The following ZNF451 variants were observed in gnomAD, a reference collection of about 807,000 sequenced individuals.
ZNF451 encodes the protein zinc finger protein 451, also known as E3 SUMO-protein ligase ZNF451.
In ZNF451, 80 loss-of-function variants were observed where a neutral mutation model predicts 107.1. That is an observed-to-expected ratio of 0.75 (90% CI 0.62 to 0.90). ZNF451 has a LOEUF of 0.90. Among genes scored for constraint, ZNF451 ranks in the 40% least tolerant of loss-of-function variants. The pLI, the probability that ZNF451 is intolerant of heterozygous loss-of-function variation, is 0.00. For synonymous variants in ZNF451, 362 were observed against 406.5 expected (o/e 0.89, Z 1.32); for missense variants, 1,107 against 1,236.2 (o/e 0.90, Z 1.57).
At position 57,148,195 on chromosome 6, in the gene ZNF451, T is replaced by C; in HGVS notation, c.2110T>C (p.Ser704Pro). The C allele has an allele frequency of 6.2e-7, 1 of 1,613,984 alleles. No homozygotes were observed. Among genetic ancestry groups the C allele is most frequent in the Non-Finnish European group, 8.5e-7 (1 of 1,179,952 alleles). ...YVFVSEKTETSIKTEDDFPVI... is the reference protein window; with the variant it reads ...YVFVSEKTETPIKTEDDFPVI... Reference sequence around the variant, plus strand: ...ATTTGTGTCAGAAAAAACTGAAACTTCAATTAAAACCGAAGATGATTTTCC... The same window carrying C: ...ATTTGTGTCAGAAAAAACTGAAACTCCAATTAAAACCGAAGATGATTTTCC... The change falls in exon 10 of 15, where the codon TCA becomes CCA. Residue 704 changes from serine (S) to proline (P), a missense_variant. By Grantham distance (74) the Ser-to-Pro change is moderately conservative. This residue lies in a region of ZNF451 where 608 missense variants were observed against 649.2 expected (regional missense o/e 0.94). Coordinates refer to ENST00000370706, the MANE Select transcript of ZNF451 (RefSeq NM_001031623.3).
intron 3 of ZNF451, among the ~76,000 whole-genome samples, chr6:57,122,889 A>G (rs1212090227): frequency 6.6e-6 from 1 of 152,220 alleles, no homozygotes; most frequent in African/African-American, 2.4e-5. Context: ...TATCCAAAGG[A>G]AAATGCTGGA....
At chr6:57,124,189 T>C (rs1310596925) in intron 3 of ZNF451, among the ~76,000 whole-genome samples, 1 of 152,198 alleles carries the variant, frequency 6.6e-6, no homozygotes, top group Non-Finnish European at 1.5e-5. Context: ...CTTACTTTGC[T>C]GAGAGTTTTT....
intron 3 of ZNF451, chr6:57,105,846 A>G: frequency 1.0e-6 from 1 of 985,216 alleles, no homozygotes; most frequent in Non-Finnish European, 1.2e-6. Context: ...TCTTTTTTTA[A>G]AAGAATGAAT....
chr6:57,161,016 T>C lies in ZNF451; in HGVS notation c.3071-68T>C, dbSNP rs931636269. 6 of 1,003,758 alleles carry C rather than the reference T, an allele frequency of 6.0e-6. No individual in the cohort carries two copies. The African/African-American group carries it at 6.7e-5, about 11-fold the overall frequency. The allele number at this position is 1,003,758 out of a possible 1,614,324, so 62.2% of individuals were successfully genotyped here. A position where few individuals can be genotyped will look rare whatever the true frequency, so the allele number is the denominator to read the frequency against. ...GAGTAAGCTTGGGTATGAGCAGTTA[T>C]TGAAAATAATATTGAGAATACATAA... On this transcript the variant is annotated intron_variant, in intron 13 of 14. Coordinates refer to ENST00000370706, the MANE Select transcript of ZNF451 (RefSeq NM_001031623.3).
chr6:57,134,716 A>G, intron 6 of ZNF451, 28 bp from the exon 7 acceptor site: 2 of 1,602,124 alleles, frequency 1.2e-6, no homozygotes, highest in Non-Finnish European at 1.7e-6. Context: ...TTTATCTAAT[A>G]TTACCTCTTA....
chr6:57,132,706 A>C (rs1288380472), intron 5 of ZNF451, among the ~76,000 whole-genome samples: 1 of 151,500 alleles, frequency 6.6e-6, no homozygotes, highest in Non-Finnish European at 1.5e-5. Context: ...TTTTTCCCTA[A>C]AGGGAAAAAA....
rs372445024 is a variant in ZNF451 at position 57,109,892 on chromosome 6, C to T, written c.186+10751C>T. Among the ~76,000 whole-genome samples the T allele has an allele frequency of 7.4e-4, 113 of 152,282 alleles. 2 individuals are homozygous for T. The highest frequency in any genetic ancestry group is 2.3e-3 in the African/African-American group (94 of 41,544). ...AGTTTGTCAGACATCTTTTTCAGTA[C>T]CTGCTATGTGCAGGCAGGTATTGAG... On this transcript the variant is annotated intron_variant, in intron 3 of 14. Transcript: ENST00000370706.
chr6:57,147,910 C>T lies in ZNF451; in HGVS notation c.1825C>T (p.Arg609Trp), dbSNP rs761262408. 190 of 1,613,968 alleles carry T rather than the reference C, an allele frequency of 1.2e-4. No individual in the cohort carries two copies. The highest frequency in any genetic ancestry group is 1.5e-4 in the Non-Finnish European group (179 of 1,179,992). The change falls in exon 10 of 15, where the codon CGG becomes TGG. Residue 609 changes from arginine (R) to tryptophan (W), a missense_variant. By Grantham distance (101) the Arg-to-Trp change is moderately radical (BLOSUM62 -3). Coordinates refer to ENST00000370706, the MANE Select transcript of ZNF451 (RefSeq NM_001031623.3). ...TTCTCCGAGGGGTAAATGGCAATGC[C>T]GGATTTGTGAAGATATGTTTGATTC... ...NSSPRGKWQC[R>W]ICEDMFDSQE... is the part of the protein sequence containing the mutation.
chr6:57,095,625 G>A (rs1008465688), intron 2 of ZNF451, among the ~76,000 whole-genome samples: 6 of 151,976 alleles, frequency 3.9e-5, no homozygotes, highest in African/African-American at 1.4e-4. Context: ...GATCTACCAC[G>A]CTCGTCTGGA....
At chr6:57,120,589 G>A (rs1172579032) in intron 3 of ZNF451, among the ~76,000 whole-genome samples, 2 of 152,158 alleles carry the variant, frequency 1.3e-5, no homozygotes, top group Non-Finnish European at 2.9e-5. Flanking sequence ...AGATGTGGCC[G>A]TTCTAATAGA....
At chr6:57,105,088 A>G (rs1829785263) in intron 3 of ZNF451, 1 of 985,434 alleles carries the variant, frequency 1.0e-6, no homozygotes, top group South Asian at 4.7e-5. Context: ...GATTACCCCA[A>G]TAGAATCAGA....
intron 10 of ZNF451, among the ~76,000 whole-genome samples, chr6:57,149,343 TATA>T (rs1246416390): frequency 6.6e-6 from 1 of 152,164 alleles, no homozygotes; most frequent in Non-Finnish European, 1.5e-5. Context: ...TGTTTAGAAG[TATA>T]ATTTGTTTTG....
chr6:57,090,199 C>G lies in ZNF451; in HGVS notation c.-55C>G. 6.3e-7 allele frequency: 1 copy of G among 1,580,292 alleles called. No homozygotes were observed. ...AGGGCGGGAAGGGGATTCGTGGCGA[C>G]GGCGGCGGCAGGGACAGCAGGAGCA... On this transcript the variant is annotated 5_prime_UTR_variant, in exon 1 of 15. Coordinates refer to ENST00000370706, the MANE Select transcript of ZNF451 (RefSeq NM_001031623.3).
chr6:57,147,626 G>A lies in ZNF451; in HGVS notation c.1541G>A (p.Arg514His). 6.2e-7 allele frequency: 1 copy of A among 1,614,054 alleles called. No individual in the cohort carries two copies. Among genetic ancestry groups the A allele is most frequent in the Non-Finnish European group, 8.5e-7 (1 of 1,179,972 alleles). Residue 514 changes from arginine to histidine, a missense_variant, in exon 10 of 15, where the codon CGT (arginine) becomes CAT (histidine). By Grantham distance (29) the Arg-to-His change is conservative. This residue lies in a region of ZNF451 where 608 missense variants were observed against 649.2 expected (regional missense o/e 0.94). Transcript: ENST00000370706. ...GKVCDDSGVI[R>H]LHMSRIHGGA... ...GTATGTGATGATTCAGGGGTCATTC[G>A]TTTACACATGAGCCGGATTCACGGA...
chr6:57,108,492 C>A, intron 3 of ZNF451: 1 of 985,300 alleles, frequency 1.0e-6, no homozygotes, highest in African/African-American at 1.7e-5. Flanking sequence ...AACGTTTCCC[C>A]AAGTCACTAA....
intron 13 of ZNF451, among the ~76,000 whole-genome samples, chr6:57,155,176 A>G (rs974913652): frequency 2.6e-5 from 4 of 151,932 alleles, no homozygotes; most frequent in African/African-American, 9.7e-5. Flanking sequence ...TTTTTCTTAA[A>G]ACAAAAAACA....
At chr6:57,119,575 G>C (rs1180935222) in intron 3 of ZNF451, among the ~76,000 whole-genome samples, 1 of 152,048 alleles carries the variant, frequency 6.6e-6, no homozygotes, top group Non-Finnish European at 1.5e-5. Context: ...TCTTAAAATA[G>C]ACTTTTTAAA....
At chr6:57,138,721 A>ATGTGTGTGTGTGTG (rs1739012670) in intron 7 of ZNF451, among the ~76,000 whole-genome samples, 1 of 115,682 alleles carries the variant, frequency 8.6e-6, no homozygotes, top group Non-Finnish European at 1.8e-5. Flanking sequence ...ATATATATAT[A>ATGTGTGTGTGTGTG]TATATATATA....
At chr6:57,152,053 T>C in intron 11 of ZNF451, 168 bp from the exon 12 acceptor site, 1 of 551,432 alleles carries the variant, frequency 1.8e-6, no homozygotes, top group Non-Finnish European at 3.0e-6. Context: ...CTCAAGACTT[T>C]AAAGCAACAA....
Sources: allele counts gnomAD v4.1 joint callset (sites outside exome capture counted in the v4.1 genomes callset), GRCh38; gene constraint gnomAD v4.1.1; regional missense constraint gnomAD v4.1.1; transcripts MANE v1.5; gene names NCBI Gene and HGNC (gene_info 2026-07-23, HGNC 2026-07-21).